Variants in ZNF516 observed in about 807,000 individuals in gnomAD.
ZNF516 encodes the protein zinc finger protein 516.
ZNF516 carries 19 observed loss-of-function variants against 79.7 expected under a neutral mutation model. The ratio of observed to expected loss-of-function variants is 0.24; its 90% CI spans 0.17 to 0.35. ZNF516 has a LOEUF of 0.35. Ranked by LOEUF, ZNF516 falls within the 10% of genes least tolerant of loss-of-function variation. The pLI is 1.00. For missense variants in ZNF516, 1,678 were observed against 1,679.5 expected, an observed-to-expected ratio of 1.00 and a Z score of 0.02; for synonymous variants, 877 against 739.5, an observed-to-expected ratio of 1.19 and a Z score of -3.02.
intron 3 of ZNF516, among the ~76,000 whole-genome samples, chr18:76,401,785 A>G (rs1282893116): frequency 2.7e-5 from 4 of 150,772 alleles, no homozygotes; most frequent in Admixed American, 6.6e-5. Flanking sequence ...TCCACCAACC[A>G]CACCCCCGCG....
intron 3 of ZNF516, among the ~76,000 whole-genome samples, chr18:76,405,803 G>C (rs1370008162): frequency 1.3e-5 from 2 of 151,938 alleles, no homozygotes; most frequent in African/African-American, 4.8e-5. Flanking sequence ...GCCTGATGAC[G>C]GCTGCCCCTC....
At chr18:76,462,301 T>G (rs1913168137) in intron 2 of ZNF516, among the ~76,000 whole-genome samples, 1 of 152,184 alleles carries the variant, frequency 6.6e-6, no homozygotes, top group Non-Finnish European at 1.5e-5. Context: ...TTTAATCAAA[T>G]GATGACCCAA....
intron 3 of ZNF516, among the ~76,000 whole-genome samples, chr18:76,411,675 C>G (rs1055658262): frequency 6.6e-6 from 1 of 152,152 alleles, no homozygotes; most frequent in Non-Finnish European, 1.5e-5. Flanking sequence ...TCAACAAGTC[C>G]TAAAATTACC....
At chr18:76,370,131 C>T (rs894467055) in intron 6 of ZNF516, among the ~76,000 whole-genome samples, 7 of 152,206 alleles carry the variant, frequency 4.6e-5, no homozygotes, top group African/African-American at 1.4e-4. Context: ...ACGCTGGACA[C>T]GAAACTTTTC....
intron 2 of ZNF516, among the ~76,000 whole-genome samples, chr18:76,458,333 A>G (rs976487303): frequency 6.6e-6 from 1 of 152,208 alleles, no homozygotes. Context: ...TGGAGCTCCA[A>G]TTCCTGACGG....
At chr18:76,483,918 T>C (rs1172514411) in intron 1 of ZNF516, among the ~76,000 whole-genome samples, 1 of 152,156 alleles carries the variant, frequency 6.6e-6, no homozygotes, top group East Asian at 1.9e-4. Context: ...CAACAACTGG[T>C]CCAGTGCCCA....
chr18:76,492,542 C>T (rs1915293972), intron 1 of ZNF516: 2 of 334,902 alleles, frequency 6.0e-6, no homozygotes, highest in Admixed American at 6.5e-5. Context: ...TTGGAAGACA[C>T]ATGCTGCCCT....
intron 3 of ZNF516, among the ~76,000 whole-genome samples, chr18:76,433,752 G>C (rs114177671): frequency 2.4e-3 from 372 of 152,306 alleles, no homozygotes; most frequent in African/African-American, 8.6e-3. Flanking sequence ...GTGAAGAATC[G>C]AGAAAGGATG....
Position 76,358,376 on chromosome 18 carries a change from A to G in ZNF516, c.*4122T>C, listed in dbSNP as rs1239209749. ...ATGTTATAAATTGTATTTTAAAAAAAGAAATACAAATTCTATGGTCTTTTG... is the reference window on the plus strand; with the variant it reads ...ATGTTATAAATTGTATTTTAAAAAAGGAAATACAAATTCTATGGTCTTTTG... On this transcript the variant is annotated 3_prime_UTR_variant, in exon 7 of 7. Coordinates refer to ENST00000443185, the MANE Select transcript of ZNF516 (RefSeq NM_014643.4). 6.6e-6 allele frequency: 1 copy of G among 152,242 alleles called. No homozygotes were observed. Among genetic ancestry groups the G allele is most frequent in the African/African-American group, 2.4e-5 (1 of 41,456 alleles). 9.4% of individuals were successfully genotyped at this position (152,242 alleles called of 1,614,324 possible).
intron 1 of ZNF516, among the ~76,000 whole-genome samples, chr18:76,482,557 G>A (rs988057475): frequency 3.3e-5 from 5 of 152,158 alleles, no homozygotes; most frequent in South Asian, 2.1e-4. Flanking sequence ...CATTCCAAGC[G>A]CACTTAAGGT....
intron 3 of ZNF516, among the ~76,000 whole-genome samples, chr18:76,431,534 G>C: frequency 6.6e-6 from 1 of 152,220 alleles, no homozygotes. Flanking sequence ...ACCTCATGTT[G>C]CGACCGATTC....
intron 1 of ZNF516, among the ~76,000 whole-genome samples, chr18:76,483,666 A>AT (rs1003841356): frequency 1.3e-5 from 2 of 151,962 alleles, no homozygotes; most frequent in Non-Finnish European, 2.9e-5. Flanking sequence ...TTTCCCTATG[A>AT]TTTTTTGGTG....
chr18:76,409,921 G>A (rs1165096244), intron 3 of ZNF516, among the ~76,000 whole-genome samples: 1 of 152,170 alleles, frequency 6.6e-6, no homozygotes, highest in Non-Finnish European at 1.5e-5. Flanking sequence ...ACTGAATCAT[G>A]GGGGCAGTTT....
chr18:76,382,089 G>A (rs2074901545), intron 3 of ZNF516, among the ~76,000 whole-genome samples: 3 of 152,064 alleles, frequency 2.0e-5, no homozygotes, highest in South Asian at 2.1e-4. Context: ...CTGACATCAC[G>A]CCACTGCACT....
rs1399294555 is a variant in ZNF516 at position 76,383,741 on chromosome 18, G to A, written c.1811-3438C>T. ...CACTGAAACAGCAAAAGCCTCTAGT[G>A]AGCTCCCGATCAGGCCTCAGGCCTT... On this transcript the variant is annotated intron_variant, in intron 3 of 6. Coordinates refer to ENST00000443185, the MANE Select transcript of ZNF516 (RefSeq NM_014643.4). Among the ~76,000 whole-genome samples, 3 of 152,202 alleles carry A rather than the reference G, an allele frequency of 2.0e-5. No individual in the cohort carries two copies. The South Asian group carries it at 6.2e-4, about 31-fold the overall frequency.
intron 1 of ZNF516, chr18:76,490,250 G>C: frequency 6.2e-6 from 6 of 969,956 alleles, no homozygotes; most frequent in Non-Finnish European, 6.1e-6. Context: ...CTGACACCAC[G>C]GCAGGCTCCT....
Position 76,379,536 on chromosome 18 carries a change from C to T in ZNF516, c.2578G>A (p.Ala860Thr). 4.3e-6 allele frequency: 7 copies of T among 1,613,768 alleles called. No individual in the cohort carries two copies. The highest frequency in any genetic ancestry group is 5.1e-6 in the Non-Finnish European group (6 of 1,179,910). Reference protein sequence around the residue: ...GSSPLGVVTKAASMPKNKESH... With the variant: ...GSSPLGVVTKTASMPKNKESH... Reference sequence around the variant, plus strand: ...TCCTTATTCTTAGGCATGCTAGCGGCTTTTGTGACCACTCCCAGGGGAGAA... The same window carrying T: ...TCCTTATTCTTAGGCATGCTAGCGGTTTTTGTGACCACTCCCAGGGGAGAA... Residue 860 changes from alanine to threonine, a missense_variant, in exon 4 of 7, where the codon GCC (alanine) becomes ACC (threonine). Ala to Thr is a moderately conservative substitution (Grantham distance 58). Around this residue, in one of 5 missense-constraint regions of ZNF516, gnomAD observed 1,294 missense variants for 1,248.3 expected, o/e 1.04. Transcript: ENST00000443185.
intron 1 of ZNF516, among the ~76,000 whole-genome samples, chr18:76,464,320 C>T (rs551523386): frequency 1.3e-5 from 2 of 152,098 alleles, no homozygotes; most frequent in Non-Finnish European, 2.9e-5. Flanking sequence ...TGCAGTGAGT[C>T]GAGATCATAC....
At position 76,442,340 on chromosome 18, in the gene ZNF516, C is replaced by T. The variant is rs12961584; in HGVS notation, c.715G>A (p.Gly239Ser). 5,959 of 1,610,542 alleles carry T rather than the reference C, an allele frequency of 3.7e-3. 19 individuals are homozygous for T. Among genetic ancestry groups the T allele is most frequent in the Non-Finnish European group, 4.6e-3 (5,423 of 1,179,164 alleles). Residue 239 changes from glycine to serine, a missense_variant, in exon 3 of 7, where the codon GGC becomes AGC. Coordinates refer to ENST00000443185, the MANE Select transcript of ZNF516 (RefSeq NM_014643.4). ...PGSGEACVENGKPELSPGEFP... is the reference protein window; with the variant it reads ...PGSGEACVENSKPELSPGEFP... ...TCCCCGGGGCTCAGCTCGGGCTTGC[C>T]GTTCTCCACGCAGGCCTCGCCGCTG...
Sources: gnomAD v4.1 joint callset for allele counts (sites outside exome capture counted in the v4.1 genomes callset) on GRCh38, gnomAD v4.1.1 for gene constraint, gnomAD v4.1.1 regional missense constraint, MANE v1.5 for transcripts, NCBI Gene and HGNC (gene_info 2026-07-23, HGNC 2026-07-21) for gene names.